GRIP2: variants seen among roughly 807,000 people sequenced by gnomAD.
GRIP2 encodes the protein glutamate receptor-interacting protein 2.
GRIP2 carries 58 observed loss-of-function variants against 108.3 expected under a neutral mutation model. The ratio of observed to expected loss-of-function variants is 0.54; its 90% confidence interval spans 0.43 to 0.67. The LOEUF (loss-of-function observed/expected upper bound fraction) is 0.67, where lower values mean the gene tolerates loss of function less well. Ranked by LOEUF, GRIP2 falls within the 30% of genes least tolerant of loss-of-function variation. The probability of loss-of-function intolerance (pLI) is 0.00; values close to 1 mark genes in which losing one functional copy is unlikely to be tolerated. For missense variants in GRIP2, 1,278 were observed against 1,430.6 expected (o/e 0.89, Z 1.72); for synonymous variants, 586 against 598.2 (o/e 0.98, Z 0.30).
At position 14,493,338 on chromosome 3, in the gene GRIP2, C is replaced by A. The variant is rs1310417206; in HGVS notation, c.*327G>T. ...ACATCTTCGACCTCTCCAAGGAGGCCCCACAGAGACCTGGGACAGCCCCCA... is the reference window on the plus strand; with the variant it reads ...ACATCTTCGACCTCTCCAAGGAGGCACCACAGAGACCTGGGACAGCCCCCA... On this transcript the variant is annotated 3_prime_UTR_variant, in exon 24 of 24. Coordinates refer to ENST00000621039, the MANE Select transcript of GRIP2 (RefSeq NM_001080423.4). The A allele has an allele frequency of 1.0e-5, 3 of 300,602 alleles. No individual in the cohort carries two copies. The highest frequency in any genetic ancestry group is 1.0e-4 in the Admixed American group (2 of 19,750). 18.6% of individuals were successfully genotyped at this position (300,602 alleles called of 1,614,324 possible).
chr3:14,559,807 C>A (rs1380961290), upstream of GRIP2, among the ~76,000 whole-genome samples: 2 of 152,216 alleles, frequency 1.3e-5, no homozygotes, highest in Admixed American at 1.3e-4. Flanking sequence ...TCTCCCTGAG[C>A]CTCAGTTTCC....
rs1694074221 is a variant in GRIP2 at position 14,511,044 on chromosome 3, GC to G, written c.1933+120del. 1 of 1,175,894 alleles carries G rather than the reference GC, an allele frequency of 8.5e-7. No homozygotes were observed. 72.8% of individuals were successfully genotyped at this position (1,175,894 alleles called of 1,614,324 possible). ...CTCCTTCATTTGTTCATTCCAGCCAGCCTTCAGCAGCGCCCACCACCCTCCC... is the reference window on the plus strand; with the variant it reads ...CTCCTTCATTTGTTCATTCCAGCCAGCTTCAGCAGCGCCCACCACCCTCCC... On this transcript the variant is annotated intron_variant, in intron 16 of 23. Coordinates refer to ENST00000621039, the MANE Select transcript of GRIP2 (RefSeq NM_001080423.4). The surrounding 1 kb of genome is among the most constrained non-coding windows in gnomAD (Gnocchi z 4.1).
At chr3:14,572,797 G>C in the GRIP2 span, 7 of 714,368 alleles carry the variant, frequency 9.8e-6, no homozygotes, top group African/African-American at 1.2e-4. Flanking sequence ...CAGGGTTGTC[G>C]TGTCTGGCTC....
intron 23 of GRIP2, 109 bp downstream of exon 23, chr3:14,494,734 G>C (rs1289665306): frequency 7.5e-7 from 1 of 1,341,204 alleles, no homozygotes; most frequent in Non-Finnish European, 9.9e-7. Flanking sequence ...ACCTGACTCA[G>C]ACTTGCATTG....
the GRIP2 span, among the ~76,000 whole-genome samples, chr3:14,593,288 C>T: frequency 6.6e-6 from 1 of 152,196 alleles, no homozygotes; most frequent in Non-Finnish European, 1.5e-5. Flanking sequence ...AATATTTGCT[C>T]CAAAAGCCAC....
the GRIP2 span, among the ~76,000 whole-genome samples, chr3:14,565,307 C>CACAGAGTCCATTGAAA: frequency 6.6e-6 from 1 of 152,190 alleles, no homozygotes; most frequent in East Asian, 1.9e-4. Flanking sequence ...AGCTCAAGGT[C>CACAGAGTCCATTGAAA]ACAGAGTCCA....
At chr3:14,541,470 G>A (rs1208770407), upstream of GRIP2, among the ~76,000 whole-genome samples, 1 of 152,188 alleles carries the variant, frequency 6.6e-6, no homozygotes, top group African/African-American at 2.4e-5. Context: ...GGTAGTTAGG[G>A]ACCCGAGGTT....
Position 14,507,510 on chromosome 3 carries a change from T to G in GRIP2, c.2218+51A>C. ...CAGGCAAAGCCTGGCACAGAGGGAT[T>G]GCCCTTCCTAAACCTGCTGGGTGGC... On this transcript the variant is annotated intron_variant, in intron 18 of 23. Coordinates refer to ENST00000621039, the MANE Select transcript of GRIP2 (RefSeq NM_001080423.4). This position sits in a 1 kb window ranked among gnomAD's most constrained non-coding sequence, Gnocchi z 4.6. The G allele has an allele frequency of 1.3e-6, 2 of 1,599,548 alleles. No individual in the cohort carries two copies. Among genetic ancestry groups the G allele is most frequent in the Non-Finnish European group, 1.7e-6 (2 of 1,168,142 alleles).
chr3:14,515,093 A>G (rs1457441292), intron 11 of GRIP2, among the ~76,000 whole-genome samples: 1 of 152,182 alleles, frequency 6.6e-6, no homozygotes, highest in Non-Finnish European at 1.5e-5. Flanking sequence ...ATCATGCACC[A>G]TGTGGCCTTT....
At chr3:14,597,564 T>TA in the GRIP2 span, among the ~76,000 whole-genome samples, 63 of 152,258 alleles carry the variant, frequency 4.1e-4, no homozygotes, top group East Asian at 7.7e-3. Context: ...TTTGGTTTTT[T>TA]TAAAAAAAAA....
intron 12 of GRIP2, 79 bp downstream of exon 12, chr3:14,514,213 G>C: frequency 7.8e-7 from 1 of 1,290,148 alleles, no homozygotes; most frequent in Non-Finnish European, 1.1e-6. Context: ...AGATGCGCTT[G>C]TGAAGCTAGG....
intron 12 of GRIP2, among the ~76,000 whole-genome samples, 188 bp from the exon 13 acceptor site, chr3:14,513,998 T>C (rs933071319): frequency 6.6e-5 from 10 of 152,226 alleles, no homozygotes; most frequent in African/African-American, 2.4e-4. Context: ...GGACCTCAGT[T>C]TCCCTGTCTG....
the GRIP2 span, among the ~76,000 whole-genome samples, chr3:14,583,321 C>T: frequency 6.6e-6 from 1 of 152,176 alleles, no homozygotes. Flanking sequence ...CAAACCTAGG[C>T]CCACCTCAGT....
chr3:14,546,156 G>C (rs1695054780), upstream of GRIP2, among the ~76,000 whole-genome samples: 1 of 152,168 alleles, frequency 6.6e-6, no homozygotes, highest in South Asian at 2.1e-4. Flanking sequence ...GGAGGGGACT[G>C]CTCTGCAGTA....
the GRIP2 span, among the ~76,000 whole-genome samples, chr3:14,577,822 T>C: frequency 6.6e-6 from 1 of 152,180 alleles, no homozygotes; most frequent in Non-Finnish European, 1.5e-5. Flanking sequence ...TGGCACACAG[T>C]GGATGCTTAA....
chr3:14,521,397 G>A lies in GRIP2; in HGVS notation c.712+245C>T. 2.0e-6 allele frequency: 1 copy of A among 496,154 alleles called. No individual in the cohort carries two copies. The highest frequency in any genetic ancestry group is 3.5e-6 in the Non-Finnish European group (1 of 283,068). The allele number at this position is 496,154 out of a possible 1,614,324, so 30.7% of individuals were successfully genotyped here. ...CCATATCTTATCTATTCTGGATACT[G>A]TCCTCTCTCCACCAGAATGCCAGCT... On this transcript the variant is annotated intron_variant, in intron 7 of 23. Transcript: ENST00000621039. The surrounding 1 kb of genome is among the most constrained non-coding windows in gnomAD (Gnocchi z 5.1).
the GRIP2 span, among the ~76,000 whole-genome samples, chr3:14,564,013 G>T: frequency 6.6e-6 from 1 of 152,192 alleles, no homozygotes; most frequent in Admixed American, 6.5e-5. Flanking sequence ...CTGCTCTGAG[G>T]CTCAGGAAGC....
chr3:14,598,010 G>A, the GRIP2 span, among the ~76,000 whole-genome samples: 2 of 152,202 alleles, frequency 1.3e-5, no homozygotes, highest in African/African-American at 2.4e-5. Flanking sequence ...CCTGATTTAA[G>A]GCAATGAGCA....
At chr3:14,570,305 T>C in the GRIP2 span, among the ~76,000 whole-genome samples, 42,014 of 152,104 alleles carry the variant, frequency 0.28, 6,273 homozygotes, top group Middle Eastern at 0.36. Context: ...ATCTTGCCGA[T>C]AGAGACAGCC....
Sources: allele counts gnomAD v4.1 joint callset (sites outside exome capture counted in the v4.1 genomes callset), GRCh38; gene constraint gnomAD v4.1.1; non-coding constraint Gnocchi (gnomAD v3.1); transcripts MANE v1.5; gene names NCBI Gene and HGNC (gene_info 2026-07-23, HGNC 2026-07-21).